Variants in CDK14 observed in about 807,000 individuals in gnomAD.
The protein encoded by CDK14 is cyclin dependent kinase 14, also known as cyclin-dependent kinase 14.
Under a neutral mutation model 60.7 loss-of-function variants are expected in CDK14, and 34 were observed. The ratio of observed to expected loss-of-function variants is 0.56; its 90% CI spans 0.43 to 0.75. The LOEUF (loss-of-function observed/expected upper bound fraction) is 0.75, where lower values mean the gene tolerates loss of function less well. Ranked by LOEUF, CDK14 falls within the 30% of genes least tolerant of loss-of-function variation. The pLI, the probability that CDK14 is intolerant of heterozygous loss-of-function variation, is 0.00. For missense variants in CDK14, 482 were observed against 564.1 expected (o/e 0.85, Z 1.47); for synonymous variants, 197 against 203.7 (o/e 0.97, Z 0.28).
intron 1 of CDK14, 142 bp downstream of exon 1, chr7:90,596,860 A>G: frequency 3.0e-6 from 2 of 677,118 alleles, no homozygotes; most frequent in Middle Eastern, 3.9e-4. Context: ...GCACAGTGCT[A>G]GGGACCCGGG....
At chr7:91,032,173 T>G (rs1218234847) in intron 10 of CDK14, among the ~76,000 whole-genome samples, 1 of 152,210 alleles carries the variant, frequency 6.6e-6, no homozygotes, top group Non-Finnish European at 1.5e-5. Flanking sequence ...GTTGGGTTGA[T>G]GCACACTCAT....
At chr7:90,846,980 T>A (rs552676860) in intron 5 of CDK14, among the ~76,000 whole-genome samples, 1 of 152,280 alleles carries the variant, frequency 6.6e-6, no homozygotes, top group African/African-American at 2.4e-5. Flanking sequence ...TGCTCATTAT[T>A]CTCTTTCCTT....
At chr7:90,734,335 C>T (rs983434568) in intron 3 of CDK14, among the ~76,000 whole-genome samples, 1 of 152,080 alleles carries the variant, frequency 6.6e-6, no homozygotes, top group African/African-American at 2.4e-5. Context: ...CTCTGTATTT[C>T]CTGAATTTGA....
At chr7:90,827,218 A>G (rs1316965900) in intron 5 of CDK14, among the ~76,000 whole-genome samples, 2 of 151,988 alleles carry the variant, frequency 1.3e-5, no homozygotes, top group East Asian at 1.9e-4. Flanking sequence ...GCCTTTTCCT[A>G]TTGGCTTCTT....
chr7:90,833,117 T>C (rs1417075169), intron 5 of CDK14, among the ~76,000 whole-genome samples: 1 of 152,246 alleles, frequency 6.6e-6, no homozygotes, highest in Non-Finnish European at 1.5e-5. Flanking sequence ...AGCTTCAGCA[T>C]TTCCACTTCC....
chr7:90,927,750 A>G lies in CDK14; in HGVS notation c.826+10026A>G, dbSNP rs185318975. The stretch of plus-strand genomic sequence containing the variant: ...CATTCTCTGTATTTCCTGAATTTCA[A>G]TGTTGGCCTGCCTTGCTAGGTTGGG... On this transcript the variant is annotated intron_variant, in intron 8 of 14. Coordinates refer to ENST00000380050, the MANE Select transcript of CDK14 (RefSeq NM_001287135.2). Among the ~76,000 whole-genome samples, 14 of 152,182 alleles carry G rather than the reference A, an allele frequency of 9.2e-5. No homozygotes were observed. The East Asian group carries it at 1.9e-3, about 21-fold the overall frequency.
At chr7:91,018,636 G>T (rs1796362168) in intron 10 of CDK14, among the ~76,000 whole-genome samples, 1 of 152,104 alleles carries the variant, frequency 6.6e-6, no homozygotes, top group Non-Finnish European at 1.5e-5. Context: ...ATTGGATCAT[G>T]GGTGGATTTC....
chr7:91,047,930 T>C (rs1020482651), intron 11 of CDK14, among the ~76,000 whole-genome samples: 4 of 151,888 alleles, frequency 2.6e-5, no homozygotes, highest in African/African-American at 9.7e-5. Flanking sequence ...GGGAAGAAAA[T>C]ATACAAGCCC....
chr7:91,028,631 A>T (rs1238379035), intron 10 of CDK14, among the ~76,000 whole-genome samples: 1 of 152,140 alleles, frequency 6.6e-6, no homozygotes, highest in Non-Finnish European at 1.5e-5. Flanking sequence ...CACTGGGATA[A>T]AGTAGTATAT....
intron 2 of CDK14, among the ~76,000 whole-genome samples, chr7:90,692,412 GTTAA>G (rs1416120332): frequency 3.9e-5 from 6 of 152,076 alleles, no homozygotes; most frequent in African/African-American, 1.4e-4. Flanking sequence ...CTGTTTTTGT[GTTAA>G]TTAAAGAATT....
chr7:90,636,173 T>A (rs1438591709), intron 2 of CDK14, among the ~76,000 whole-genome samples: 1 of 151,714 alleles, frequency 6.6e-6, no homozygotes, highest in Non-Finnish European at 1.5e-5. Context: ...AACACTATGT[T>A]GAATAGGAGT....
At position 91,122,333 on chromosome 7, in the gene CDK14, C is replaced by T. The variant is rs1799803033; in HGVS notation, c.*28+4125C>T. 2.0e-5 allele frequency among the ~76,000 whole-genome samples: 3 copies of T among 152,030 alleles called. No individual in the cohort carries two copies. The South Asian group carries it at 6.2e-4, about 32-fold the overall frequency. Reference sequence around the variant, plus strand: ...TACTTGGTCATTAAGCAGTAATTTCCTGTAAGTAGGCTGTTAGGTAAACAG... The same window carrying T: ...TACTTGGTCATTAAGCAGTAATTTCTTGTAAGTAGGCTGTTAGGTAAACAG... On this transcript the variant is annotated intron_variant, in intron 14 of 14. Transcript: ENST00000380050.
intron 5 of CDK14, among the ~76,000 whole-genome samples, chr7:90,850,992 C>A (rs1562798071): frequency 6.6e-6 from 1 of 152,048 alleles, no homozygotes; most frequent in Non-Finnish European, 1.5e-5. Flanking sequence ...GGTTTTTCTG[C>A]CTTCCAACAC....
intron 5 of CDK14, among the ~76,000 whole-genome samples, chr7:90,860,525 C>CT (rs1240085824): frequency 0.033 from 4,262 of 129,280 alleles, 179 homozygotes; most frequent in East Asian, 0.16. Context: ...TGTCTCATTC[C>CT]TTTTTTTTTT....
chr7:90,742,153 A>G (rs1032946732), intron 3 of CDK14, among the ~76,000 whole-genome samples: 1 of 152,044 alleles, frequency 6.6e-6, no homozygotes, highest in South Asian at 2.1e-4. Context: ...AAAGCATTTT[A>G]TATTTTTATG....
At chr7:90,734,417 T>C (rs1803002147) in intron 3 of CDK14, among the ~76,000 whole-genome samples, 1 of 152,220 alleles carries the variant, frequency 6.6e-6, no homozygotes, top group African/African-American at 2.4e-5. Flanking sequence ...CCAACTTGGT[T>C]CTATTCTCCC....
At chr7:90,743,263 C>T (rs928510363) in intron 3 of CDK14, among the ~76,000 whole-genome samples, 2 of 151,992 alleles carry the variant, frequency 1.3e-5, no homozygotes, top group African/African-American at 2.4e-5. Flanking sequence ...CATATAGTTA[C>T]CCATTTTTTG....
rs1187697119 is a variant in CDK14 at position 90,859,790 on chromosome 7, T to C, written c.545-3385T>C. On this transcript the variant is annotated intron_variant, in intron 5 of 14. Coordinates refer to ENST00000380050, the MANE Select transcript of CDK14 (RefSeq NM_001287135.2). ...ACTCTTGGTGTTGTAAATCTCTCTT[T>C]AAAGATATGGCCTTGCTGTATTATT... is the stretch of plus-strand genomic sequence containing the variant. Among the ~76,000 whole-genome samples the C allele has an allele frequency of 2.6e-5, 4 of 152,174 alleles. No individual in the cohort carries two copies. In the East Asian group the frequency reaches 7.7e-4, roughly 29 times the overall value.
chr7:91,063,200 T>C (rs1360329140), intron 11 of CDK14, among the ~76,000 whole-genome samples: 3 of 152,190 alleles, frequency 2.0e-5, no homozygotes, highest in African/African-American at 7.2e-5. Flanking sequence ...TTTTTTGCTG[T>C]TTAAAAAATC....
Sources: allele counts gnomAD v4.1 joint callset (sites outside exome capture counted in the v4.1 genomes callset), GRCh38; gene constraint gnomAD v4.1.1; transcripts MANE v1.5; gene names NCBI Gene and HGNC (gene_info 2026-07-23, HGNC 2026-07-21).